The following STPG2 variants were observed in gnomAD, a reference collection of about 807,000 sequenced individuals.
STPG2 encodes the protein sperm-tail PG-rich repeat-containing protein 2.
Under a neutral mutation model 54.2 loss-of-function variants are expected in STPG2, and 56 were observed. That is an observed-to-expected ratio of 1.03 (90% CI 0.83 to 1.29). The LOEUF is 1.29. Ranked by LOEUF, STPG2 falls within the 50% of genes most tolerant of loss-of-function variation. STPG2 has a pLI of 0.00. For synonymous variants in STPG2, 200 were observed against 181.8 expected, an observed-to-expected ratio of 1.10 and a Z score of -0.81; for missense variants, 596 against 544.9, an observed-to-expected ratio of 1.09 and a Z score of -0.93.
At chr4:98,134,687 AC>A (rs1195246956) in intron 1 of STPG2, among the ~76,000 whole-genome samples, 1 of 149,522 alleles carries the variant, frequency 6.7e-6, no homozygotes, top group Non-Finnish European at 1.5e-5. Context: ...TTGAACAACA[AC>A]AAAAAAAAAA....
At chr4:97,952,726 G>T (rs894644976) in intron 7 of STPG2, among the ~76,000 whole-genome samples, 3 of 152,160 alleles carry the variant, frequency 2.0e-5, no homozygotes, top group Non-Finnish European at 4.4e-5. Flanking sequence ...AATAGCCTTA[G>T]TGTGTTGGTT....
In STPG2 at chr4:97,931,169, T is replaced by G. The variant is rs114858689; in HGVS notation, c.1044+12728A>C. 4.5e-3 allele frequency among the ~76,000 whole-genome samples: 685 copies of G among 152,288 alleles called. 5 individuals carry two copies. Among genetic ancestry groups the G allele is most frequent in the African/African-American group, 0.016 (656 of 41,568 alleles). On this transcript the variant is annotated intron_variant, in intron 8 of 10. Coordinates refer to ENST00000295268, the MANE Select transcript of STPG2 (RefSeq NM_174952.3). ...CTTCCTCTCTTCCTATTTGGATGCC[T>G]TTTATTTTTTTCTCCTGCCCGATGG...
chr4:97,816,713 C>T (rs1727922397), intron 9 of STPG2, among the ~76,000 whole-genome samples: 1 of 149,912 alleles, frequency 6.7e-6, no homozygotes, highest in Admixed American at 6.6e-5. Context: ...TTCCTTCCTT[C>T]CTTCCTTCCT....
chr4:97,576,026 T>C (rs992634555), intron 10 of STPG2, among the ~76,000 whole-genome samples: 9 of 151,648 alleles, frequency 5.9e-5, no homozygotes, highest in Admixed American at 1.3e-4. Context: ...GCCACATGCA[T>C]AAAAAAATCT....
rs145288339 is a variant in STPG2 at position 97,593,377 on chromosome 4, C to T, written c.1321-34260G>A. On this transcript the variant is annotated intron_variant, in intron 10 of 10. Transcript: ENST00000295268. Reference sequence around the variant, plus strand: ...TCCGACAATGGTGTGCGTGTGTGCACATCCTGCATGACACTGATGCTAGCA... The same window carrying T: ...TCCGACAATGGTGTGCGTGTGTGCATATCCTGCATGACACTGATGCTAGCA... 4.1e-3 allele frequency among the ~76,000 whole-genome samples: 628 copies of T among 152,304 alleles called. 3 individuals are homozygous for T. The highest frequency in any genetic ancestry group is 0.02 in the South Asian group (98 of 4,834).
chr4:97,977,089 G>A (rs1408822174), intron 6 of STPG2, among the ~76,000 whole-genome samples: 2 of 152,020 alleles, frequency 1.3e-5, no homozygotes, highest in African/African-American at 2.4e-5. Context: ...CTTTATCCAC[G>A]TTGTTTTCTA....
intron 4 of STPG2, among the ~76,000 whole-genome samples, chr4:97,539,297 C>G (rs1380675081): frequency 6.6e-6 from 1 of 152,050 alleles, no homozygotes; most frequent in Non-Finnish European, 1.5e-5. Flanking sequence ...TCAGGAAACC[C>G]ATCTCACATG....
chr4:97,814,148 AT>A (rs1160274769), intron 9 of STPG2, among the ~76,000 whole-genome samples: 1 of 152,134 alleles, frequency 6.6e-6, no homozygotes, highest in African/African-American at 2.4e-5. Flanking sequence ...TAACAAATGT[AT>A]TTTGTTTGTA....
chr4:97,483,971 G>A (rs1318959488), intron 4 of STPG2, among the ~76,000 whole-genome samples: 1 of 151,818 alleles, frequency 6.6e-6, no homozygotes, highest in Non-Finnish European at 1.5e-5. Context: ...GCTCCTGAAT[G>A]AGCATTGGGT....
intron 8 of STPG2, among the ~76,000 whole-genome samples, chr4:97,884,197 A>G (rs1259935398): frequency 1.3e-5 from 2 of 152,186 alleles, no homozygotes; most frequent in East Asian, 1.9e-4. Flanking sequence ...ACAATAAGTT[A>G]TAAGCAACTG....
In STPG2 at chr4:97,842,763, T is replaced by A. The variant is rs143869225; in HGVS notation, c.1045-1831A>T. Reference sequence around the variant, plus strand: ...ACTAGTTCCTTAAATTCCAGTAGATTCACTGCCTCTCTTACCAATCCAATG... The same window carrying A: ...ACTAGTTCCTTAAATTCCAGTAGATACACTGCCTCTCTTACCAATCCAATG... On this transcript the variant is annotated intron_variant, in intron 8 of 10. Transcript: ENST00000295268. Among the ~76,000 whole-genome samples, 5 of 152,030 alleles carry A rather than the reference T, an allele frequency of 3.3e-5. No individual in the cohort carries two copies. In the East Asian group the frequency reaches 9.6e-4, roughly 29 times the overall value.
At chr4:97,548,591 ATTAT>A (rs1325201047) in intron 4 of STPG2, among the ~76,000 whole-genome samples, 6 of 150,918 alleles carry the variant, frequency 4.0e-5, no homozygotes, top group Admixed American at 6.6e-5. Flanking sequence ...ATAAAACATC[ATTAT>A]TTAATTAATC....
intron 10 of STPG2, among the ~76,000 whole-genome samples, chr4:97,640,817 AG>A (rs1235365114): frequency 2.0e-5 from 3 of 151,688 alleles, no homozygotes; most frequent in Admixed American, 6.6e-5. Context: ...AAAAAAACAG[AG>A]AATAAATAGT....
intron 5 of STPG2, among the ~76,000 whole-genome samples, chr4:98,017,052 T>A (rs886977926): frequency 3.3e-5 from 5 of 152,202 alleles, no homozygotes; most frequent in African/African-American, 1.2e-4. Context: ...CTGTTGCCTG[T>A]GTCCACAGGT....
chr4:97,826,004 G>T (rs931115288), intron 9 of STPG2, among the ~76,000 whole-genome samples: 11 of 152,104 alleles, frequency 7.2e-5, no homozygotes, highest in Admixed American at 5.9e-4. Flanking sequence ...ACTTAGTTTG[G>T]AGCATCAGAT....
intron 9 of STPG2, among the ~76,000 whole-genome samples, chr4:97,793,295 G>GT (rs1260721260): frequency 6.6e-6 from 1 of 151,228 alleles, no homozygotes; most frequent in African/African-American, 2.4e-5. Flanking sequence ...ATTTTATTGT[G>GT]TTTTTTGCCT....
At position 97,487,797 on chromosome 4, in the gene STPG2, A is replaced by G. The variant is rs185900389; in HGVS notation, c.462+224902T>C. On this transcript the variant is annotated intron_variant, in intron 4 of 4. Coordinates refer to the STPG2 transcript ENST00000522676. ...TATTCCATTAATGGTACATAAAAAC[A>G]CAAATCTTATAAATGACTTAGAAAA... Among the ~76,000 whole-genome samples, 3 of 151,690 alleles carry G rather than the reference A, an allele frequency of 2.0e-5. No homozygotes were observed. The Admixed American group carries it at 2.0e-4, about 10-fold the overall frequency.
chr4:98,119,445 A>T (rs1429301584), intron 3 of STPG2, among the ~76,000 whole-genome samples: 1 of 152,176 alleles, frequency 6.6e-6, no homozygotes, highest in Non-Finnish European at 1.5e-5. Flanking sequence ...GATTCTAAAG[A>T]GACATGCAAC....
intron 10 of STPG2, among the ~76,000 whole-genome samples, chr4:97,593,614 A>G (rs1288424969): frequency 6.6e-6 from 1 of 152,046 alleles, no homozygotes. Context: ...ATGCAGAAAC[A>G]CTGCAGCCCC....
Sources: allele counts gnomAD v4.1 joint callset (sites outside exome capture counted in the v4.1 genomes callset), GRCh38; gene constraint gnomAD v4.1.1; transcripts MANE v1.5; gene names NCBI Gene and HGNC (gene_info 2026-07-23, HGNC 2026-07-21).